Variants in ZNF814 observed in about 807,000 individuals in gnomAD.
ZNF814 encodes the protein zinc finger protein 814.
ZNF814 carries 5 observed loss-of-function variants against 7.5 expected under a neutral mutation model. The ratio of observed to expected loss-of-function variants is 0.67; its 90% CI spans 0.35 to 1.40. The LOEUF (loss-of-function observed/expected upper bound fraction) is 1.40. Among genes scored for constraint, ZNF814 ranks in the 40% most tolerant of loss-of-function variants. The pLI is 0.04. For missense variants in ZNF814, 962 were observed against 1,018.0 expected (o/e 0.94, Z 0.75); for synonymous variants, 315 against 340.7 (o/e 0.92, Z 0.83).
chr19:57,876,431 A>G (rs1263239774), intron 2 of ZNF814: 1 of 169,700 alleles, frequency 5.9e-6, no homozygotes. Context: ...AACAGCCAAC[A>G]TTGTCTCAGA....
Position 57,876,957 on chromosome 19 carries a change from C to T in ZNF814, c.122G>A (p.Arg41His), listed in dbSNP as rs770819609. 17 of 1,614,150 alleles carry T rather than the reference C, an allele frequency of 1.1e-5. No individual in the cohort carries two copies. Among genetic ancestry groups the T allele is most frequent in the Admixed American group, 8.3e-5 (5 of 60,020 alleles). The change falls in exon 2 of 3, where the codon CGT becomes CAT. Residue 41 changes from arginine to histidine, a missense_variant. Transcript: ENST00000435989. ...LLSEAQRCLYRDVTLENLALI... is the reference protein window; with the variant it reads ...LLSEAQRCLYHDVTLENLALI... ...TGCCAGGTTCTCCAGCGTCACATCA[C>T]GGTACAGGCATCTCTGAGCCTCACT...
chr19:57,874,619 C>G lies in ZNF814; in HGVS notation c.771G>C (p.Leu257Phe), dbSNP rs111291730. ...CGKSFSKYAS[L>F]SNHQRVHTEK... The stretch of plus-strand genomic sequence containing the variant: ...CAGTGTGAACTCTCTGATGATTACT[C>G]AAGCTAGCATATTTGCTAAAGGACT... The change falls in exon 3 of 3, where the codon TTG (leucine) becomes TTC (phenylalanine). Residue 257 changes from leucine to phenylalanine, a missense_variant. This residue lies in a region of ZNF814 where 126 missense variants were observed against 123.5 expected (regional missense o/e 1.02). Transcript: ENST00000435989. The G allele has an allele frequency of 2.7e-4, 422 of 1,552,764 alleles. 5 individuals are homozygous for G. The African/African-American group carries it at 5.2e-3, about 19-fold the overall frequency.
the ZNF814 span, among the ~76,000 whole-genome samples, chr19:57,902,860 T>A: frequency 6.6e-6 from 1 of 151,954 alleles, no homozygotes; most frequent in Non-Finnish European, 1.5e-5. Context: ...TTATTTTTTT[T>A]AGTAGAGACG....
Position 57,884,688 on chromosome 19 carries a change from G to A in ZNF814, c.36+4079C>T, listed in dbSNP as rs138691085. Among the ~76,000 whole-genome samples the A allele has an allele frequency of 1.2e-4, 18 of 152,234 alleles. No individual in the cohort carries two copies. In the East Asian group the frequency reaches 3.3e-3, roughly 28 times the overall value. ...TAGGAAAAGGTGCTCAACATCACTG[G>A]TCATAAGAGAATGCACATCATCTCA... On this transcript the variant is annotated intron_variant, in intron 1 of 2. Coordinates refer to ENST00000435989, the MANE Select transcript of ZNF814 (RefSeq NM_001144989.2).
chr19:57,887,125 T>C (rs186809197), intron 1 of ZNF814, among the ~76,000 whole-genome samples: 8 of 151,926 alleles, frequency 5.3e-5, no homozygotes, highest in Admixed American at 3.3e-4. Flanking sequence ...GAGGCAGAGA[T>C]TGCAGTGAGC....
the ZNF814 span, among the ~76,000 whole-genome samples, chr19:57,898,064 G>C: frequency 6.6e-6 from 1 of 152,206 alleles, no homozygotes; most frequent in African/African-American, 2.4e-5. Flanking sequence ...TGAAGGGTTA[G>C]TAGATACTGG....
In ZNF814 at chr19:57,870,295, G is replaced by A. The variant is rs1312371507; in HGVS notation, c.*2527C>T. On this transcript the variant is annotated 3_prime_UTR_variant, in exon 3 of 3. Transcript: ENST00000435989. ...AAATGCAGTTCAAAAGAAAAATATAGATTTACCATTATTTTTGGAAAACAG... is the reference window on the plus strand; with the variant it reads ...AAATGCAGTTCAAAAGAAAAATATAAATTTACCATTATTTTTGGAAAACAG... 5 of 152,068 alleles carry A rather than the reference G, an allele frequency of 3.3e-5. No homozygotes were observed. Among genetic ancestry groups the A allele is most frequent in the African/African-American group, 7.2e-5 (3 of 41,424 alleles). 9.4% of individuals were successfully genotyped at this position (152,068 alleles called of 1,614,324 possible).
At chr19:57,876,866 G>A (rs2071610852) in intron 2 of ZNF814, 50 bp downstream of exon 2, 1 of 1,607,222 alleles carries the variant, frequency 6.2e-7, no homozygotes, top group South Asian at 1.1e-5. Context: ...GGGAAAGATA[G>A]GGGAAAACAG....
At chr19:57,886,370 C>A (rs1056697869) in intron 1 of ZNF814, among the ~76,000 whole-genome samples, 1 of 152,164 alleles carries the variant, frequency 6.6e-6, no homozygotes, top group Non-Finnish European at 1.5e-5. Flanking sequence ...TGATCTACAA[C>A]AAAGATTCAA....
At chr19:57,887,888 G>A (rs1050703019) in intron 1 of ZNF814, among the ~76,000 whole-genome samples, 22 of 152,188 alleles carry the variant, frequency 1.4e-4, no homozygotes, top group Non-Finnish European at 2.9e-4. Context: ...CTGGTACCTT[G>A]CCTTTTTGTA....
chr19:57,899,805 C>G, the ZNF814 span, among the ~76,000 whole-genome samples: 7,835 of 152,230 alleles, frequency 0.051, 658 homozygotes, highest in African/African-American at 0.18. Flanking sequence ...TTCTACCTCA[C>G]AATACAACCA....
At position 57,872,027 on chromosome 19, in the gene ZNF814, TAA is replaced by T. The variant is rs1224366699; in HGVS notation, c.*793_*794del. On this transcript the variant is annotated 3_prime_UTR_variant, in exon 3 of 3. Transcript: ENST00000435989. ...AGGAGGCCGAGGCAACAGAATCACT[TAA>T]GCCCAGATCAAGGGTGCAGTGAAAT... Among the ~76,000 whole-genome samples, 6 of 151,986 alleles carry T rather than the reference TAA, an allele frequency of 3.9e-5. No individual in the cohort carries two copies. The highest frequency in any genetic ancestry group is 1.5e-4 in the African/African-American group (6 of 41,370).
At chr19:57,877,591 TACC>T (rs1233210646) in intron 1 of ZNF814, among the ~76,000 whole-genome samples, 1 of 152,020 alleles carries the variant, frequency 6.6e-6, no homozygotes, top group Non-Finnish European at 1.5e-5. Context: ...TACAGGCATG[TACC>T]ACCACACCTG....
Position 57,873,155 on chromosome 19 carries a change from T to C in ZNF814, c.2235A>G (p.Glu745=), listed in dbSNP as rs759999296. The part of the protein sequence containing the change: ...QRVHTGERPY[E]CNDCGKSFTH... Reference sequence around the variant, plus strand: ...TAAATGATTTTCCACAATCATTGCATTCATAAGGCCTTTCTCCAGTGTGAA... The same window carrying C: ...TAAATGATTTTCCACAATCATTGCACTCATAAGGCCTTTCTCCAGTGTGAA... The change falls in exon 3 of 3, where the codon GAA becomes GAG. Residue 745 remains glutamate, a synonymous_variant. Coordinates refer to ENST00000435989, the MANE Select transcript of ZNF814 (RefSeq NM_001144989.2). 1 of 1,613,568 alleles carries C rather than the reference T, an allele frequency of 6.2e-7. No individual in the cohort carries two copies. Among genetic ancestry groups the C allele is most frequent in the Admixed American group, 1.7e-5 (1 of 59,916 alleles).
chr19:57,900,800 C>T, the ZNF814 span, among the ~76,000 whole-genome samples: 2 of 148,512 alleles, frequency 1.3e-5, no homozygotes, highest in Non-Finnish European at 1.5e-5. Context: ...AAACCAAAAC[C>T]GATAATGGCC....
At position 57,873,540 on chromosome 19, in the gene ZNF814, C is replaced by T. The variant is rs749873783; in HGVS notation, c.1850G>A (p.Arg617His). ...CATGCGCTGATGGTGAACAAGGCTGCGCTTATGACTAAAAGATTTCCCACA... is the reference window on the plus strand; with the variant it reads ...CATGCGCTGATGGTGAACAAGGCTGTGCTTATGACTAAAAGATTTCCCACA... Reference protein sequence around the residue: ...GECGKSFSHKRSLVHHQRMHT... With the variant: ...GECGKSFSHKHSLVHHQRMHT... Residue 617 changes from arginine to histidine, a missense_variant, in exon 3 of 3, where the codon CGC becomes CAC. By Grantham distance (29) the Arg-to-His change is conservative. Transcript: ENST00000435989. The T allele has an allele frequency of 1.6e-5, 26 of 1,613,986 alleles. No individual in the cohort carries two copies. Among genetic ancestry groups the T allele is most frequent in the African/African-American group, 4.0e-5 (3 of 74,894 alleles).
Position 57,874,804 on chromosome 19 carries a change from T to C in ZNF814, c.586A>G (p.Lys196Glu). 2 of 1,614,112 alleles carry C rather than the reference T, an allele frequency of 1.2e-6. No individual in the cohort carries two copies. Among genetic ancestry groups the C allele is most frequent in the Non-Finnish European group, 1.7e-6 (2 of 1,179,992 alleles). Residue 196 changes from lysine (K) to glutamate (E), a missense_variant, in exon 3 of 3, where the codon AAG becomes GAG. Coordinates refer to ENST00000435989, the MANE Select transcript of ZNF814 (RefSeq NM_001144989.2). ...ACACACTCAGTTTTGCTGTTTGACTTCTCCCCAGTGTGACTGGCCTCCTGC... is the reference window on the plus strand; with the variant it reads ...ACACACTCAGTTTTGCTGTTTGACTCCTCCCCAGTGTGACTGGCCTCCTGC... ...LQQEASHTGE[K>E]SNSKTECVSP...
At chr19:57,883,103 A>G (rs1179022196) in intron 1 of ZNF814, among the ~76,000 whole-genome samples, 1 of 151,198 alleles carries the variant, frequency 6.6e-6, no homozygotes, top group African/African-American at 2.5e-5. Flanking sequence ...TCACACCTGT[A>G]ATCCCAGCAC....
At chr19:57,904,608 A>G in the ZNF814 span, among the ~76,000 whole-genome samples, 1 of 152,160 alleles carries the variant, frequency 6.6e-6, no homozygotes. Flanking sequence ...GGCCTGGTTT[A>G]TACTTTTTTC....
Sources: allele counts gnomAD v4.1 joint callset (sites outside exome capture counted in the v4.1 genomes callset), GRCh38; gene constraint gnomAD v4.1.1; regional missense constraint gnomAD v4.1.1; transcripts MANE v1.5; gene names NCBI Gene and HGNC (gene_info 2026-07-23, HGNC 2026-07-21).